Variants in AACS observed in about 807,000 individuals in gnomAD.
AACS encodes the protein acetoacetyl-CoA synthetase.
A neutral mutation model predicts 83.1 loss-of-function variants in AACS; 69 were observed. That is an observed-to-expected ratio of 0.83 (90% confidence interval 0.68 to 1.01). The LOEUF is 1.01. Ranked by LOEUF, AACS falls within the 50% of genes least tolerant of loss-of-function variation. AACS has a pLI of 0.00. For missense variants in AACS, 866 were observed against 882.2 expected (o/e 0.98, Z 0.23); for synonymous variants, 333 against 343.4 (o/e 0.97, Z 0.33).
intron 5 of AACS, among the ~76,000 whole-genome samples, chr12:125,100,218 T>C (rs1228180148): frequency 6.6e-6 from 1 of 152,206 alleles, no homozygotes; most frequent in African/African-American, 2.4e-5. Flanking sequence ...TCTCCCAAAG[T>C]GTTGGGATTA....
chr12:125,107,735 C>T (rs1264289262), intron 8 of AACS, among the ~76,000 whole-genome samples: 1 of 152,154 alleles, frequency 6.6e-6, no homozygotes, highest in Non-Finnish European at 1.5e-5. Context: ...CTGAGGTGGG[C>T]AGATTGCTTT....
intron 17 of AACS, chr12:125,141,437 A>C (rs1236077163): frequency 6.6e-6 from 1 of 152,498 alleles, no homozygotes; most frequent in Non-Finnish European, 1.5e-5. Context: ...CTGTGATCCT[A>C]GCACTTTGGG....
intron 3 of AACS, among the ~76,000 whole-genome samples, chr12:125,080,579 T>G (rs1046588873): frequency 3.3e-5 from 5 of 152,142 alleles, no homozygotes; most frequent in East Asian, 1.9e-4. Flanking sequence ...ATTCTGTGTC[T>G]GTTTCACACC....
At chr12:125,109,234 C>A (rs181627338) in intron 8 of AACS, among the ~76,000 whole-genome samples, 1 of 152,122 alleles carries the variant, frequency 6.6e-6, no homozygotes, top group African/African-American at 2.4e-5. Context: ...TGGGCCCAAG[C>A]GATCCTCCCA....
At chr12:125,115,332 C>T (rs1957035974) in intron 9 of AACS, among the ~76,000 whole-genome samples, 1 of 149,448 alleles carries the variant, frequency 6.7e-6, no homozygotes. Context: ...TGGATCTTGG[C>T]TCACTGCAAC....
chr12:125,076,446 G>C (rs199580421), intron 2 of AACS, 45 bp from the exon 3 acceptor site: 1 of 1,603,732 alleles, frequency 6.2e-7, no homozygotes, highest in South Asian at 1.1e-5. Context: ...GATCTGTAGC[G>C]TAGTCTCATG....
In AACS at chr12:125,107,251, A is replaced by T. The variant is rs757016707; in HGVS notation, c.898A>T (p.Met300Leu). The T allele has an allele frequency of 6.2e-7, 1 of 1,613,794 alleles. No homozygotes were observed. Among genetic ancestry groups the T allele is most frequent in the African/African-American group, 1.3e-5 (1 of 74,948 alleles). Residue 300 changes from methionine to leucine, a missense_variant, in exon 8 of 18, where the codon ATG becomes TTG. Transcript: ENST00000316519. ...SSGTTGAPKCMVHSAGGTLIQ... is the reference protein window; with the variant it reads ...SSGTTGAPKCLVHSAGGTLIQ... ...GGGCACCACGGGCGCACCCAAGTGC[A>T]TGGTGCATTCCGCTGGGGTAGGTCT...
intron 13 of AACS, 39 bp downstream of exon 13, chr12:125,128,313 G>A (rs777840630): frequency 1.8e-5 from 29 of 1,574,130 alleles, no homozygotes; most frequent in East Asian, 1.6e-4. Flanking sequence ...GTGATTAGGC[G>A]TGAGTTGGGA....
intron 1 of AACS, among the ~76,000 whole-genome samples, chr12:125,070,531 A>G (rs989366524): frequency 3.9e-5 from 6 of 152,182 alleles, no homozygotes; most frequent in African/African-American, 1.4e-4. Flanking sequence ...GAGGCAGATA[A>G]AATCTTCAGC....
rs531678091 is a variant in AACS, at chr12:125,097,239, A to G, written c.571-5440A>G. On this transcript the variant is annotated intron_variant, in intron 5 of 17. Coordinates refer to ENST00000316519, the MANE Select transcript of AACS (RefSeq NM_023928.5). The surrounding 1 kb of genome is among the most constrained non-coding windows in gnomAD (Gnocchi z 4.3). The stretch of plus-strand genomic sequence containing the variant: ...TGTAGCAGTTTAGAGCAGAAGAAGA[A>G]GTAGTAGGAAATAGTCTTTGTCCAC... Among the ~76,000 whole-genome samples, 12 of 152,104 alleles carry G rather than the reference A, an allele frequency of 7.9e-5. No individual in the cohort carries two copies. The South Asian group carries it at 2.5e-3, about 32-fold the overall frequency.
chr12:125,129,439 G>A lies in AACS; in HGVS notation c.1528G>A (p.Ala510Thr). ...NDENGNKYRKAYFSKFPGIWA... is the reference protein window; with the variant it reads ...NDENGNKYRKTYFSKFPGIWA... ...TGAGAACGGCAACAAGTACAGGAAG[G>A]CGTATTTCTCCAAATTCCCAGGTCG... The change falls in exon 14 of 18, where the codon GCG becomes ACG. Residue 510 changes from alanine to threonine, a missense_variant. Ala to Thr is a moderately conservative substitution (Grantham distance 58, BLOSUM62 0). Coordinates refer to ENST00000316519, the MANE Select transcript of AACS (RefSeq NM_023928.5). The surrounding 1 kb of genome is among the most constrained non-coding windows in gnomAD (Gnocchi z 4.3). 1 of 1,613,882 alleles carries A rather than the reference G, an allele frequency of 6.2e-7. No individual in the cohort carries two copies. Among genetic ancestry groups the A allele is most frequent in the Non-Finnish European group, 8.5e-7 (1 of 1,179,932 alleles).
At chr12:125,115,958 T>C (rs1395103214) in intron 9 of AACS, among the ~76,000 whole-genome samples, 4 of 152,008 alleles carry the variant, frequency 2.6e-5, no homozygotes, top group African/African-American at 9.7e-5. Context: ...TGACCTTGGG[T>C]GTGTTTTTGA....
At chr12:125,081,937 G>A (rs1039996859) in intron 3 of AACS, among the ~76,000 whole-genome samples, 4 of 151,420 alleles carry the variant, frequency 2.6e-5, no homozygotes, top group African/African-American at 9.7e-5. Flanking sequence ...GTGCAATGGC[G>A]TCATCTTGGC....
At chr12:125,115,536 A>G (rs763875156) in intron 9 of AACS, among the ~76,000 whole-genome samples, 8 of 152,302 alleles carry the variant, frequency 5.3e-5, no homozygotes, top group East Asian at 1.9e-4. Flanking sequence ...CTGGGATTAC[A>G]GGCGTGAGCC....
At chr12:125,074,746 C>T (rs1393721057) in intron 2 of AACS, among the ~76,000 whole-genome samples, 4 of 148,588 alleles carry the variant, frequency 2.7e-5, no homozygotes, top group African/African-American at 7.5e-5. Context: ...ATACTGCAAC[C>T]TCCACCTCCC....
intron 14 of AACS, among the ~76,000 whole-genome samples, chr12:125,132,320 T>C (rs1957339783): frequency 6.6e-6 from 1 of 152,224 alleles, no homozygotes; most frequent in Non-Finnish European, 1.5e-5. Flanking sequence ...GTCTCAGTAA[T>C]TAGGGCACAG....
At position 125,065,650 on chromosome 12, in the gene AACS, C is replaced by A. The variant is rs1472953518; in HGVS notation, c.66C>A (p.Asp22Glu). 30 of 1,546,744 alleles carry A rather than the reference C, an allele frequency of 1.9e-5. No individual in the cohort carries two copies. The highest frequency in any genetic ancestry group is 2.4e-5 in the Non-Finnish European group (28 of 1,145,054). Reference protein sequence around the residue: ...ILECQVMWEPDSKKNTQMDRF... With the variant: ...ILECQVMWEPESKKNTQMDRF... ...AGTGCCAGGTGATGTGGGAGCCTGA[C>A]AGTAAGAAGAACACGCAGATGGACC... The change falls in exon 1 of 18, where the codon GAC becomes GAA. Residue 22 changes from aspartate (D) to glutamate (E), a missense_variant. Coordinates refer to ENST00000316519, the MANE Select transcript of AACS (RefSeq NM_023928.5).
intron 3 of AACS, among the ~76,000 whole-genome samples, chr12:125,084,906 TCTCA>T (rs1302283330): frequency 6.6e-6 from 1 of 152,030 alleles, no homozygotes; most frequent in Non-Finnish European, 1.5e-5. Flanking sequence ...TTTTGTAGAG[TCTCA>T]CTATCTTACC....
intron 8 of AACS, among the ~76,000 whole-genome samples, chr12:125,111,057 CA>C (rs1237455849): frequency 6.0e-5 from 9 of 150,414 alleles, no homozygotes; most frequent in African/African-American, 2.2e-4. Context: ...GGGCTGAGGT[CA>C]GGGGTGGGGG....
Sources: gnomAD v4.1 joint callset for allele counts (sites outside exome capture counted in the v4.1 genomes callset) on GRCh38, gnomAD v4.1.1 for gene constraint, Gnocchi (gnomAD v3.1) non-coding constraint, MANE v1.5 for transcripts, NCBI Gene and HGNC (gene_info 2026-07-23, HGNC 2026-07-21) for gene names.